Variants in EYS observed in about 807,000 individuals in gnomAD.
EYS encodes the protein protein eyes shut homolog.
Under a neutral mutation model 282.1 loss-of-function variants are expected in EYS, and 250 were observed. The ratio of observed to expected loss-of-function variants is 0.89; its 90% confidence interval spans 0.80 to 0.98. The LOEUF is 0.98. Ranked by LOEUF, EYS falls within the 50% of genes least tolerant of loss-of-function variation. The pLI is 0.00. For missense variants in EYS, 4,016 were observed against 3,709.0 expected (o/e 1.08, Z -2.15); for synonymous variants, 1,355 against 1,282.9 (o/e 1.06, Z -1.20).
At chr6:65,439,938 CAAAGATA>C (rs1397674970) in intron 5 of EYS, among the ~76,000 whole-genome samples, 1 of 151,724 alleles carries the variant, frequency 6.6e-6, no homozygotes, top group Non-Finnish European at 1.5e-5. Context: ...CAGATGAAAC[CAAAGATA>C]AAAGGTGACA....
chr6:64,528,975 T>C (rs185532368), intron 26 of EYS, among the ~76,000 whole-genome samples: 148 of 152,208 alleles, frequency 9.7e-4, no homozygotes, highest in South Asian at 4.3e-3. Flanking sequence ...AAATGGAATA[T>C]GTTTTCTCTT....
At chr6:65,522,221 A>G (rs954524632) in intron 2 of EYS, among the ~76,000 whole-genome samples, 1 of 152,198 alleles carries the variant, frequency 6.6e-6, no homozygotes, top group African/African-American at 2.4e-5. Context: ...TAAATTGAAA[A>G]TAAGATTCTA....
At chr6:63,925,200 G>A (rs1289682211) in intron 35 of EYS, among the ~76,000 whole-genome samples, 1 of 152,234 alleles carries the variant, frequency 6.6e-6, no homozygotes, top group Non-Finnish European at 1.5e-5. Context: ...AAGGGGAGAA[G>A]TTGTGGGCAA....
intron 5 of EYS, among the ~76,000 whole-genome samples, chr6:65,445,766 G>C (rs1202828595): frequency 6.6e-6 from 1 of 151,616 alleles, no homozygotes; most frequent in Non-Finnish European, 1.5e-5. Context: ...GGAAAATCTT[G>C]AATTCAGTTC....
intron 29 of EYS, among the ~76,000 whole-genome samples, chr6:64,362,205 C>T (rs1024900724): frequency 6.6e-6 from 1 of 151,680 alleles, no homozygotes; most frequent in Non-Finnish European, 1.5e-5. Flanking sequence ...GAAATGACAA[C>T]AGTAAGACAT....
intron 41 of EYS, chr6:63,744,393 TC>T (rs1284080146): frequency 6.6e-6 from 1 of 152,194 alleles, no homozygotes; most frequent in Admixed American, 6.5e-5. Context: ...TTTTTCTTTA[TC>T]AGTGTCCCTT....
At chr6:65,591,307 T>TC (rs1765224789) in intron 2 of EYS, among the ~76,000 whole-genome samples, 2 of 147,952 alleles carry the variant, frequency 1.4e-5, no homozygotes, top group Admixed American at 6.7e-5. Flanking sequence ...CAATCAATCC[T>TC]CCCCCCTCAG....
intron 12 of EYS, among the ~76,000 whole-genome samples, chr6:65,117,537 T>C (rs1775410331): frequency 6.6e-6 from 1 of 151,996 alleles, no homozygotes; most frequent in Non-Finnish European, 1.5e-5. Flanking sequence ...TGAACATAAA[T>C]TTTCAAGAAT....
At chr6:64,498,580 C>T (rs13199165) in intron 26 of EYS, among the ~76,000 whole-genome samples, 45,569 of 151,746 alleles carry the variant, frequency 0.3, 6,888 homozygotes, top group East Asian at 0.47. Context: ...AGGTTTTAGG[C>T]CCCACATGCG....
At chr6:65,441,846 T>C (rs1768339452) in intron 5 of EYS, among the ~76,000 whole-genome samples, 1 of 152,104 alleles carries the variant, frequency 6.6e-6, no homozygotes, top group African/African-American at 2.4e-5. Flanking sequence ...TCAGAAGTAC[T>C]ATTTTCTAAA....
chr6:64,676,839 T>C (rs1344061530), intron 22 of EYS, among the ~76,000 whole-genome samples: 4 of 152,116 alleles, frequency 2.6e-5, no homozygotes, highest in African/African-American at 7.2e-5. Context: ...ATTCCTTTCA[T>C]GAGGGCTCTG....
intron 26 of EYS, among the ~76,000 whole-genome samples, chr6:64,469,932 G>GAT: frequency 6.6e-6 from 1 of 152,166 alleles, no homozygotes; most frequent in East Asian, 1.9e-4. Context: ...AAAAGTCTCT[G>GAT]ATATGCAAAA....
chr6:65,571,214 C>T (rs34268718), intron 2 of EYS, among the ~76,000 whole-genome samples: 15,028 of 152,002 alleles, frequency 0.099, 955 homozygotes, highest in South Asian at 0.19. Context: ...AATCAACTCT[C>T]AAAGGGGTAG....
intron 2 of EYS, among the ~76,000 whole-genome samples, chr6:65,527,163 C>A (rs1318586559): frequency 6.6e-6 from 1 of 152,156 alleles, no homozygotes; most frequent in Non-Finnish European, 1.5e-5. Flanking sequence ...GTTAGTCAAT[C>A]TCAGCAACAA....
At chr6:63,914,391 A>G (rs898176273) in intron 35 of EYS, among the ~76,000 whole-genome samples, 6 of 152,206 alleles carry the variant, frequency 3.9e-5, no homozygotes, top group Non-Finnish European at 8.8e-5. Flanking sequence ...GGAATTTAAA[A>G]AATCCATTGT....
At chr6:65,603,757 T>A (rs1160585627) in intron 2 of EYS, among the ~76,000 whole-genome samples, 1 of 151,976 alleles carries the variant, frequency 6.6e-6, no homozygotes. Context: ...CTATTCCTTT[T>A]TTTCCCTCAG....
At chr6:63,908,512 G>A (rs1379855173) in intron 35 of EYS, among the ~76,000 whole-genome samples, 2 of 151,956 alleles carry the variant, frequency 1.3e-5, no homozygotes, top group African/African-American at 2.4e-5. Flanking sequence ...GTGCAGTGGT[G>A]CGATCTTGGC....
At chr6:65,058,817 C>G (rs1249544339) in intron 12 of EYS, among the ~76,000 whole-genome samples, 1 of 138,914 alleles carries the variant, frequency 7.2e-6, no homozygotes, top group Non-Finnish European at 1.7e-5. Context: ...ATTTTTATCA[C>G]TTATGACAGC....
intron 19 of EYS, among the ~76,000 whole-genome samples, chr6:64,883,940 T>C (rs1355795737): frequency 6.6e-6 from 1 of 151,550 alleles, no homozygotes; most frequent in African/African-American, 2.4e-5. Context: ...TATTATCTTC[T>C]TCCAATTCTA....
Sources: gnomAD v4.1 joint callset for allele counts (sites outside exome capture counted in the v4.1 genomes callset) on GRCh38, gnomAD v4.1.1 for gene constraint, MANE v1.5 for transcripts, NCBI Gene and HGNC (gene_info 2026-07-23, HGNC 2026-07-21) for gene names.